Variants in PPFIA2 observed in about 807,000 individuals in gnomAD.
The protein encoded by PPFIA2 is liprin-alpha-2.
A neutral mutation model predicts 175.5 loss-of-function variants in PPFIA2; 46 were observed. That is an observed-to-expected ratio of 0.26 (90% CI 0.21 to 0.34). PPFIA2 has a LOEUF of 0.34. Ranked by LOEUF, PPFIA2 falls within the 10% of genes least tolerant of loss-of-function variation. The pLI is 1.00. For missense variants in PPFIA2, 1,179 were observed against 1,506.1 expected (o/e 0.78, Z 3.60); for synonymous variants, 568 against 511.4 (o/e 1.11, Z -1.49).
At chr12:81,391,681 T>G (rs971860076) in intron 8 of PPFIA2, among the ~76,000 whole-genome samples, 1 of 151,938 alleles carries the variant, frequency 6.6e-6, no homozygotes, top group African/African-American at 2.4e-5. Flanking sequence ...GAATTTTCAA[T>G]AAACAATGAA....
At chr12:81,373,071 A>C (rs930228238) in intron 11 of PPFIA2, among the ~76,000 whole-genome samples, 1 of 151,758 alleles carries the variant, frequency 6.6e-6, no homozygotes, top group Non-Finnish European at 1.5e-5. Context: ...TTTTTATGTC[A>C]AATATTATAT....
intron 10 of PPFIA2, 44 bp from the exon 11 acceptor site, chr12:81,374,812 T>C (rs757977447): frequency 1.9e-6 from 3 of 1,567,524 alleles, no homozygotes; most frequent in Non-Finnish European, 2.6e-6. Flanking sequence ...AGTCAGAGTT[T>C]GGATAGCAAA....
Position 81,347,784 on chromosome 12 carries a change from T to G in PPFIA2, c.1995-14A>C, listed in dbSNP as rs540535302. 1 of 1,612,082 alleles carries G rather than the reference T, an allele frequency of 6.2e-7. No individual in the cohort carries two copies. The highest frequency in any genetic ancestry group is 1.1e-5 in the South Asian group (1 of 90,944). ...TCCTGAATTAGCCTGAAAGATACAG[T>G]TTAATTATGATCCATATATAATTTA... On this transcript the variant is annotated splice_polypyrimidine_tract_variant and intron_variant, in intron 17 of 32. Coordinates refer to ENST00000549396, the MANE Select transcript of PPFIA2 (RefSeq NM_003625.5).
chr12:81,623,634 A>G (rs769069348), intron 4 of PPFIA2, among the ~76,000 whole-genome samples: 3 of 151,956 alleles, frequency 2.0e-5, no homozygotes, highest in Non-Finnish European at 2.9e-5. Context: ...TTGTATCCTT[A>G]TAGTTGTGTG....
intron 4 of PPFIA2, among the ~76,000 whole-genome samples, chr12:81,500,522 C>T (rs1452475796): frequency 6.6e-6 from 1 of 152,180 alleles, no homozygotes; most frequent in African/African-American, 2.4e-5. Flanking sequence ...CAACGCTTTG[C>T]GTATACAGCA....
intron 28 of PPFIA2, among the ~76,000 whole-genome samples, chr12:81,276,682 AT>A (rs973582962): frequency 6.6e-6 from 1 of 152,052 alleles, no homozygotes; most frequent in Non-Finnish European, 1.5e-5. Flanking sequence ...TAAATATAGT[AT>A]TTTTTCTAAC....
Position 81,325,824 on chromosome 12 carries a change from T to C in PPFIA2, c.2595A>G (p.Leu865=). 6.2e-7 allele frequency: 1 copy of C among 1,612,884 alleles called. No individual in the cohort carries two copies. The change falls in exon 22 of 33, where the codon TTA becomes TTG. Residue 865 remains leucine, a synonymous_variant. Coordinates refer to ENST00000549396, the MANE Select transcript of PPFIA2 (RefSeq NM_003625.5). ...TEAAAQESLG[L]GKLGTQAEKD... ...TCTCAGCTTGAGTTCCGAGTTTGCC[T>C]AACCCCAGGGACTCCTGAGCTGCAG...
intron 4 of PPFIA2, among the ~76,000 whole-genome samples, chr12:81,477,960 T>C (rs1287516447): frequency 6.6e-6 from 1 of 152,050 alleles, no homozygotes; most frequent in Non-Finnish European, 1.5e-5. Context: ...TTTTCTATTG[T>C]TTGGAATAGT....
intron 3 of PPFIA2, among the ~76,000 whole-genome samples, chr12:81,678,544 C>T (rs1355172417): frequency 6.6e-6 from 1 of 151,670 alleles, no homozygotes; most frequent in Non-Finnish European, 1.5e-5. Flanking sequence ...GAGTACTTAC[C>T]AAGAAAATTA....
In PPFIA2 at chr12:81,268,049, T is replaced by G; in HGVS notation, c.3349A>C (p.Ile1117Leu). 6.3e-7 allele frequency: 1 copy of G among 1,598,516 alleles called. No homozygotes were observed. The highest frequency in any genetic ancestry group is 8.5e-7 in the Non-Finnish European group (1 of 1,171,692). Residue 1117 changes from isoleucine (I) to leucine (L), a missense_variant, in exon 29 of 33, where the codon ATA becomes CTA. Around this residue, in one of 10 missense-constraint regions of PPFIA2, gnomAD observed 245 missense variants for 375.1 expected, o/e 0.65. Transcript: ENST00000549396. ...VWSNDRVIRW[I>L]QAIGLREYAN... ...TATTCTCGAAGTCCAATTGCTTGTA[T>G]CCAGCGAATAACTCGGTCATTGCTC...
chr12:81,362,184 CCT>C (rs972132466), intron 15 of PPFIA2, among the ~76,000 whole-genome samples: 1 of 148,720 alleles, frequency 6.7e-6, no homozygotes, highest in Non-Finnish European at 1.5e-5. Context: ...TTTCTCTTTT[CCT>C]CTTTTTTTTT....
chr12:81,258,860 A>G lies in PPFIA2; in HGVS notation c.*834T>C, dbSNP rs547112500. On this transcript the variant is annotated 3_prime_UTR_variant, in exon 33 of 33. Coordinates refer to ENST00000549396, the MANE Select transcript of PPFIA2 (RefSeq NM_003625.5). ...TGGTTCTTAGTAAAGAAGTTTTTTTATCTTTTTTTTTTTCTTGGTCCACAG... is the reference window on the plus strand; with the variant it reads ...TGGTTCTTAGTAAAGAAGTTTTTTTGTCTTTTTTTTTTTCTTGGTCCACAG... The G allele has an allele frequency of 6.7e-6, 1 of 149,870 alleles. No homozygotes were observed. Among genetic ancestry groups the G allele is most frequent in the South Asian group, 2.1e-4 (1 of 4,808 alleles). 9.3% of individuals were successfully genotyped at this position (149,870 alleles called of 1,614,324 possible).
At chr12:81,558,592 G>A (rs967872554) in intron 4 of PPFIA2, among the ~76,000 whole-genome samples, 1 of 152,240 alleles carries the variant, frequency 6.6e-6, no homozygotes, top group East Asian at 1.9e-4. Flanking sequence ...CAGAGCTGTA[G>A]AACAATGCAC....
intron 3 of PPFIA2, among the ~76,000 whole-genome samples, chr12:81,711,842 C>A (rs1293619322): frequency 6.7e-6 from 1 of 149,676 alleles, no homozygotes; most frequent in Non-Finnish European, 1.5e-5. Flanking sequence ...CAGTATGGTA[C>A]CTTATCAGTG....
intron 4 of PPFIA2, among the ~76,000 whole-genome samples, chr12:81,591,210 C>A (rs2058636772): frequency 6.6e-6 from 1 of 152,148 alleles, no homozygotes; most frequent in East Asian, 1.9e-4. Flanking sequence ...ATTTGTGGAA[C>A]TTTGAACTTG....
chr12:81,651,039 C>T (rs879585487), intron 4 of PPFIA2, among the ~76,000 whole-genome samples: 1 of 152,124 alleles, frequency 6.6e-6, no homozygotes, highest in African/African-American at 2.4e-5. Flanking sequence ...GGTTAAAAAT[C>T]TTTTCACATA....
At chr12:81,406,803 T>C (rs1178578840) in intron 7 of PPFIA2, among the ~76,000 whole-genome samples, 1 of 152,176 alleles carries the variant, frequency 6.6e-6, no homozygotes, top group African/African-American at 2.4e-5. Context: ...TAAAGGTACA[T>C]AGTATTTAGT....
chr12:81,442,871 AT>A (rs1282289719), intron 6 of PPFIA2, among the ~76,000 whole-genome samples: 2 of 100,758 alleles, frequency 2.0e-5, no homozygotes, highest in Non-Finnish European at 4.1e-5. Context: ...ATATATATAT[AT>A]ATATATATAT....
intron 4 of PPFIA2, among the ~76,000 whole-genome samples, chr12:81,527,151 T>G (rs1322181480): frequency 1.3e-5 from 2 of 152,162 alleles, no homozygotes; most frequent in Non-Finnish European, 2.9e-5. Flanking sequence ...AATCAATATT[T>G]TATTTTAATA....
Sources: gnomAD v4.1 joint callset for allele counts (sites outside exome capture counted in the v4.1 genomes callset) on GRCh38, gnomAD v4.1.1 for gene constraint, gnomAD v4.1.1 regional missense constraint, MANE v1.5 for transcripts, NCBI Gene and HGNC (gene_info 2026-07-23, HGNC 2026-07-21) for gene names.